NCK2: variants seen among roughly 807,000 people sequenced by gnomAD.
The protein encoded by NCK2 is NCK adaptor protein 2, also known as cytoplasmic protein NCK2.
A neutral mutation model predicts 33.9 loss-of-function variants in NCK2; 16 were observed. The ratio of observed to expected loss-of-function variants is 0.47; its 90% CI spans 0.32 to 0.72. The LOEUF is 0.72. Among genes scored for constraint, NCK2 ranks in the 30% least tolerant of loss-of-function variants. NCK2 has a pLI of 0.03. For synonymous variants in NCK2, 273 were observed against 239.9 expected (o/e 1.14, Z -1.27); for missense variants, 418 against 537.3 (o/e 0.78, Z 2.19).
rs3047674 is a variant in NCK2, at chr2:105,845,397, ATTT to A, written c.-16-9637_-16-9635del. On this transcript the variant is annotated intron_variant, in intron 2 of 4. Transcript: ENST00000233154. ...GAAACTCATGACATTTATATTTTGA[ATTT>A]TTTTTTTTTTTTTGAGATGAATCTT... is the stretch of plus-strand genomic sequence containing the variant. Among the ~76,000 whole-genome samples, 517 of 145,960 alleles carry A rather than the reference ATTT, an allele frequency of 3.5e-3. 4 individuals carry two copies. Among genetic ancestry groups the A allele is most frequent in the African/African-American group, 8.3e-3 (330 of 39,670 alleles).
chr2:105,891,419 T>A (rs1054040664), intron 4 of NCK2, among the ~76,000 whole-genome samples: 1 of 152,102 alleles, frequency 6.6e-6, no homozygotes, highest in Non-Finnish European at 1.5e-5. Flanking sequence ...TGTTAGTAAC[T>A]AATTGTTATT....
upstream of NCK2, chr2:105,744,878 CGCCGCCGCCGCCGCCGCT>C (rs1235690958): frequency 6.2e-6 from 1 of 160,946 alleles, no homozygotes; most frequent in Non-Finnish European, 1.3e-5. Context: ...CCGCCGCCGC[CGCCGCCGCCGCCGCCGCT>C]GCCGCGGGGA....
In NCK2 at chr2:105,752,008, A is replaced by C. The variant is rs139648717; in HGVS notation, c.-201+6870A>C. Among the ~76,000 whole-genome samples, 12 of 152,360 alleles carry C rather than the reference A, an allele frequency of 7.9e-5. No homozygotes were observed. In the East Asian group the frequency reaches 2.3e-3, roughly 29 times the overall value. ...TATATAAACTCTATGTGTAATCAAC[A>C]TAAAATGTAATTAATAAGATAACTC... is the stretch of plus-strand genomic sequence containing the variant. On this transcript the variant is annotated intron_variant, in intron 1 of 4. Transcript: ENST00000233154.
At chr2:105,850,105 A>C (rs1677005549) in intron 2 of NCK2, among the ~76,000 whole-genome samples, 1 of 152,172 alleles carries the variant, frequency 6.6e-6, no homozygotes, top group Non-Finnish European at 1.5e-5. Context: ...CATTTTACAG[A>C]AGAAACTGAA....
At chr2:105,744,648 C>CA (rs569768989), upstream of NCK2, among the ~76,000 whole-genome samples, 288 of 152,044 alleles carry the variant, frequency 1.9e-3, no homozygotes, top group East Asian at 4.9e-3. Context: ...GCCTCCAGAG[C>CA]GGAGCGTCCC....
intron 2 of NCK2, among the ~76,000 whole-genome samples, chr2:105,852,106 G>A (rs1428328344): frequency 6.6e-6 from 1 of 152,092 alleles, no homozygotes; most frequent in Non-Finnish European, 1.5e-5. Context: ...GGACGGTTGG[G>A]CGGGTCGGGG....
chr2:105,780,544 A>T (rs1465442098), intron 1 of NCK2, among the ~76,000 whole-genome samples: 1 of 152,184 alleles, frequency 6.6e-6, no homozygotes, highest in Non-Finnish European at 1.5e-5. Flanking sequence ...ATACCTGGGC[A>T]CTATTGAGAG....
chr2:105,763,069 G>GTGCC (rs1689819165), intron 1 of NCK2, among the ~76,000 whole-genome samples: 2 of 152,258 alleles, frequency 1.3e-5, no homozygotes, highest in South Asian at 2.1e-4. Context: ...GTGGTGGTAT[G>GTGCC]TGCCTGTAGT....
At chr2:105,750,916 G>A (rs1689434155) in intron 1 of NCK2, among the ~76,000 whole-genome samples, 1 of 152,204 alleles carries the variant, frequency 6.6e-6, no homozygotes, top group Non-Finnish European at 1.5e-5. Flanking sequence ...CTGTGATCGT[G>A]CAGTCTTTGC....
At position 105,816,580 on chromosome 2, in the gene NCK2, G is replaced by C. The variant is rs192266729; in HGVS notation, c.-50G>C. ...ACATCATCGTTTTGAAGAGTTCTGC[G>C]TTTTGCCAGTCACCTCTCAACTGTG... On this transcript the variant is annotated 5_prime_UTR_variant, in exon 2 of 5. Transcript: ENST00000233154. The C allele has an allele frequency of 6.6e-6, 1 of 152,314 alleles. No homozygotes were observed. Among genetic ancestry groups the C allele is most frequent in the Non-Finnish European group, 1.5e-5 (1 of 68,032 alleles). 9.4% of individuals were successfully genotyped at this position (152,314 alleles called of 1,614,324 possible). A position where few individuals can be genotyped will look rare whatever the true frequency, so the allele number is the denominator to read the frequency against.
intron 1 of NCK2, among the ~76,000 whole-genome samples, chr2:105,761,538 CATAGAT>C (rs1689764285): frequency 6.6e-6 from 1 of 152,128 alleles, no homozygotes; most frequent in Non-Finnish European, 1.5e-5. Flanking sequence ...TATTCATTCA[CATAGAT>C]ATAATTTATA....
At chr2:105,753,281 C>T (rs1689510579) in intron 1 of NCK2, among the ~76,000 whole-genome samples, 1 of 152,192 alleles carries the variant, frequency 6.6e-6, no homozygotes, top group African/African-American at 2.4e-5. Context: ...TAATGAATAA[C>T]TGGTACCTTG....
chr2:105,796,101 G>A (rs1307044876), intron 1 of NCK2, among the ~76,000 whole-genome samples: 2 of 152,220 alleles, frequency 1.3e-5, no homozygotes, highest in Non-Finnish European at 2.9e-5. Context: ...GTCCCAAGAA[G>A]ACAGAATTTT....
chr2:105,784,673 A>G (rs1274617959), intron 1 of NCK2, among the ~76,000 whole-genome samples: 2 of 152,188 alleles, frequency 1.3e-5, no homozygotes, highest in South Asian at 2.1e-4. Flanking sequence ...GCCATAAAAG[A>G]TTCTCATTTA....
intron 2 of NCK2, chr2:105,847,213 A>C (rs922573814): frequency 6.6e-6 from 1 of 152,158 alleles, no homozygotes; most frequent in Non-Finnish European, 1.5e-5. Context: ...TTTCAAGATG[A>C]AAATAGTTCT....
intron 3 of NCK2, among the ~76,000 whole-genome samples, chr2:105,858,043 T>G (rs1181865663): frequency 2.3e-5 from 3 of 132,576 alleles, no homozygotes; most frequent in Non-Finnish European, 5.0e-5. Flanking sequence ...CTTTGTTTTT[T>G]GGGGTTTTTT....
intron 2 of NCK2, 38 bp from the exon 3 acceptor site, chr2:105,855,010 A>G (rs1164274516): frequency 7.4e-6 from 11 of 1,483,434 alleles, no homozygotes; most frequent in South Asian, 1.1e-5. Context: ...GTGTCCGGGT[A>G]GTTCTCTAAT....
At chr2:105,777,009 A>G (rs1046518439) in intron 1 of NCK2, among the ~76,000 whole-genome samples, 2 of 151,772 alleles carry the variant, frequency 1.3e-5, no homozygotes, top group African/African-American at 2.4e-5. Flanking sequence ...CATCTTCCCC[A>G]GAGATCAGAG....
chr2:105,846,819 G>C (rs901177838), intron 2 of NCK2: 1 of 152,122 alleles, frequency 6.6e-6, no homozygotes, highest in African/African-American at 2.4e-5. Flanking sequence ...TTCACTTCTA[G>C]GTATACACCC....
Sources: gnomAD v4.1 joint callset for allele counts (sites outside exome capture counted in the v4.1 genomes callset) on GRCh38, gnomAD v4.1.1 for gene constraint, MANE v1.5 for transcripts, NCBI Gene and HGNC (gene_info 2026-07-23, HGNC 2026-07-21) for gene names.